FHL2: variants seen among roughly 807,000 people sequenced by gnomAD.
FHL2 encodes the protein four and a half LIM domains 2, also known as four and a half LIM domains protein 2.
In FHL2, 20 loss-of-function variants were observed where a neutral mutation model predicts 32.7. That is an observed-to-expected ratio of 0.61 (90% CI 0.43 to 0.89). The LOEUF (loss-of-function observed/expected upper bound fraction) is 0.89. Among genes scored for constraint, FHL2 ranks in the 40% least tolerant of loss-of-function variants. FHL2 has a pLI of 0.00. For synonymous variants in FHL2, 123 were observed against 128.1 expected, an observed-to-expected ratio of 0.96 and a Z score of 0.27; for missense variants, 311 against 358.6, an observed-to-expected ratio of 0.87 and a Z score of 1.07.
At position 105,386,540 on chromosome 2, in the gene FHL2, C is replaced by G; in HGVS notation, c.-24G>C. ...ATTTTGACTCCTGGCTTTTCAGCAA[C>G]CTATCAAAAAGAAAAGAAAATCCAA... On this transcript the variant is annotated splice_region_variant and 5_prime_UTR_variant, in exon 3 of 7. Coordinates refer to ENST00000530340, the MANE Select transcript of FHL2 (RefSeq NM_001318895.3). The G allele has an allele frequency of 1.2e-6, 2 of 1,613,736 alleles. No individual in the cohort carries two copies. The highest frequency in any genetic ancestry group is 2.2e-5 in the South Asian group (2 of 91,068).
chr2:105,388,202 C>T (rs575973528), intron 2 of FHL2, among the ~76,000 whole-genome samples: 2 of 152,034 alleles, frequency 1.3e-5, no homozygotes, highest in Non-Finnish European at 2.9e-5. Flanking sequence ...GTACAACAAA[C>T]CCCTGTGACA....
intron 3 of FHL2, among the ~76,000 whole-genome samples, chr2:105,380,910 C>T (rs1354886075): frequency 1.3e-5 from 2 of 152,190 alleles, no homozygotes; most frequent in Non-Finnish European, 2.9e-5. Flanking sequence ...CACTTCCTTT[C>T]TGGTTTTGTA....
At position 105,418,613 on chromosome 2, in the gene FHL2, C is replaced by T. The variant is rs115742808; in HGVS notation, c.-25+19786G>A. 8.9e-3 allele frequency among the ~76,000 whole-genome samples: 1,348 copies of T among 152,212 alleles called. 22 individuals are homozygous for T. Among genetic ancestry groups the T allele is most frequent in the African/African-American group, 0.027 (1,109 of 41,514 alleles). Reference sequence around the variant, plus strand: ...TGAATACAACTGTGGATAAAGTATGCGCAGACATAGAGTATTCTATTTCTT... The same window carrying T: ...TGAATACAACTGTGGATAAAGTATGTGCAGACATAGAGTATTCTATTTCTT... On this transcript the variant is annotated intron_variant, in intron 1 of 5. Transcript: ENST00000393352.
chr2:105,405,100 A>C (rs1401502238), intron 1 of FHL2, among the ~76,000 whole-genome samples: 1 of 152,224 alleles, frequency 6.6e-6, no homozygotes, highest in Non-Finnish European at 1.5e-5. Context: ...GTTTCAGATG[A>C]AAAGTATTTG....
upstream of FHL2, among the ~76,000 whole-genome samples, chr2:105,404,003 G>C (rs112149718): frequency 6.6e-6 from 1 of 152,194 alleles, no homozygotes; most frequent in Non-Finnish European, 1.5e-5. Context: ...TGGTGGGGTC[G>C]TGGGGGGGAG....
At chr2:105,364,259 CA>C (rs1191728506) in intron 5 of FHL2, among the ~76,000 whole-genome samples, 2 of 73,164 alleles carry the variant, frequency 2.7e-5, no homozygotes, top group East Asian at 6.1e-4. Context: ...GTCTCAAAAA[CA>C]AAACAAAACA....
At chr2:105,425,892 T>C (rs1309774390) in intron 1 of FHL2, among the ~76,000 whole-genome samples, 8 of 149,904 alleles carry the variant, frequency 5.3e-5, no homozygotes, top group African/African-American at 1.5e-4. Flanking sequence ...ACTGAGGGAA[T>C]TCAGAGGCCG....
intron 4 of FHL2, among the ~76,000 whole-genome samples, chr2:105,373,341 G>T (rs1363491439): frequency 1.3e-5 from 2 of 152,176 alleles, no homozygotes; most frequent in African/African-American, 4.8e-5. Flanking sequence ...GCATAACACT[G>T]CCCCACGTGC....
intron 2 of FHL2, among the ~76,000 whole-genome samples, chr2:105,394,071 A>G (rs894804720): frequency 2.0e-5 from 3 of 152,170 alleles, no homozygotes; most frequent in Non-Finnish European, 4.4e-5. Context: ...CCTCCATTCA[A>G]AGGCACGGGA....
At chr2:105,409,560 G>A (rs768425198) in intron 1 of FHL2, among the ~76,000 whole-genome samples, 2 of 152,174 alleles carry the variant, frequency 1.3e-5, no homozygotes, top group Non-Finnish European at 2.9e-5. Context: ...ACAGCTTGGT[G>A]CCAGTTTAAA....
intron 3 of FHL2, among the ~76,000 whole-genome samples, chr2:105,379,113 T>A (rs535723486): frequency 6.6e-6 from 1 of 152,316 alleles, no homozygotes; most frequent in African/African-American, 2.4e-5. Context: ...CCAGATTGAC[T>A]AAACTTAAAT....
intron 3 of FHL2, 34 bp from the exon 4 acceptor site, chr2:105,373,767 C>T (rs749523836): frequency 6.2e-7 from 1 of 1,611,378 alleles, no homozygotes; most frequent in Admixed American, 1.7e-5. Flanking sequence ...CAGTCAGAGG[C>T]AGGACAGGAG....
chr2:105,404,270 G>A lies in FHL2; in HGVS notation c.-24-17730C>T, dbSNP rs1022966121. ...CTCAAACCTTGGCCAGGAAACTGGT[G>A]GATGATTTGCCCTTGATTCAGAGGC... On this transcript the variant is annotated intron_variant, in intron 1 of 5. Coordinates refer to the FHL2 transcript ENST00000393352. Among the ~76,000 whole-genome samples the A allele has an allele frequency of 3.3e-5, 5 of 152,240 alleles. No homozygotes were observed. The South Asian group carries it at 1.0e-3, about 32-fold the overall frequency.
intron 2 of FHL2, chr2:105,390,368 T>G (rs1341537528): frequency 6.6e-6 from 1 of 152,450 alleles, no homozygotes; most frequent in East Asian, 1.9e-4. Context: ...TCATTATCAG[T>G]GATACCAGCT....
intron 1 of FHL2, chr2:105,397,019 T>TTG: frequency 5.0e-6 from 1 of 200,274 alleles, no homozygotes; most frequent in Non-Finnish European, 1.0e-5. Context: ...TGTTTTTTTT[T>TTG]TTTTTTTTTT....
chr2:105,426,836 C>A (rs764388650), intron 1 of FHL2, among the ~76,000 whole-genome samples: 1 of 152,214 alleles, frequency 6.6e-6, no homozygotes, highest in Non-Finnish European at 1.5e-5. Context: ...GAGAATTAGC[C>A]GGGTTGCTTT....
At chr2:105,387,479 C>T (rs1682410758) in intron 2 of FHL2, among the ~76,000 whole-genome samples, 1 of 152,140 alleles carries the variant, frequency 6.6e-6, no homozygotes, top group Non-Finnish European at 1.5e-5. Context: ...TGCAGCTGCC[C>T]AGGTACCCTG....
chr2:105,388,870 C>G (rs779350440), intron 2 of FHL2, among the ~76,000 whole-genome samples: 15 of 151,862 alleles, frequency 9.9e-5, no homozygotes, highest in Admixed American at 4.6e-4. Flanking sequence ...GGCTATGTAA[C>G]TCTGAGCAAG....
chr2:105,433,770 G>GA (rs1323473477), intron 1 of FHL2, among the ~76,000 whole-genome samples: 2 of 152,124 alleles, frequency 1.3e-5, no homozygotes, highest in Admixed American at 1.3e-4. Context: ...CTCTAATTCA[G>GA]AGCTTTATTT....
Sources: gnomAD v4.1 joint callset for allele counts (sites outside exome capture counted in the v4.1 genomes callset) on GRCh38, gnomAD v4.1.1 for gene constraint, MANE v1.5 for transcripts, NCBI Gene and HGNC (gene_info 2026-07-23, HGNC 2026-07-21) for gene names.